MSRB3: variants seen among roughly 807,000 people sequenced by gnomAD.
The protein encoded by MSRB3 is methionine-R-sulfoxide reductase B3.
Under a neutral mutation model 21.0 loss-of-function variants are expected in MSRB3, and 13 were observed. The observed-to-expected ratio is 0.62, with a 90% CI of 0.40 to 0.98. The LOEUF (loss-of-function observed/expected upper bound fraction) is 0.98. Among genes scored for constraint, MSRB3 ranks in the 50% least tolerant of loss-of-function variants. The pLI is 0.00. For missense variants in MSRB3, 199 were observed against 230.3 expected, an observed-to-expected ratio of 0.86 and a Z score of 0.88; for synonymous variants, 87 against 88.6, an observed-to-expected ratio of 0.98 and a Z score of 0.10.
chr12:65,446,122 A>G (rs1024405482), intron 5 of MSRB3, among the ~76,000 whole-genome samples: 1 of 152,220 alleles, frequency 6.6e-6, no homozygotes, highest in Non-Finnish European at 1.5e-5. Context: ...AAATCATGTC[A>G]TCAGCATATG....
intron 5 of MSRB3, among the ~76,000 whole-genome samples, chr12:65,428,313 T>A (rs188131390): frequency 3.2e-4 from 48 of 151,014 alleles, no homozygotes; most frequent in Middle Eastern, 3.5e-3. Flanking sequence ...GTGTGTATAT[T>A]TTTTTTTTGC....
intron 4 of MSRB3, among the ~76,000 whole-genome samples, chr12:65,360,842 G>C (rs1179178928): frequency 2.6e-5 from 4 of 152,102 alleles, no homozygotes. Context: ...TTTAGTGGGA[G>C]AATGTTTTAT....
intron 5 of MSRB3, among the ~76,000 whole-genome samples, chr12:65,396,202 A>G (rs1879769590): frequency 1.3e-5 from 2 of 152,220 alleles, no homozygotes; most frequent in Admixed American, 6.5e-5. Context: ...TTGTATTTTC[A>G]TTCTCATTTA....
At chr12:65,377,201 T>C (rs779467905) in intron 5 of MSRB3, among the ~76,000 whole-genome samples, 6 of 152,228 alleles carry the variant, frequency 3.9e-5, no homozygotes, top group Non-Finnish European at 7.3e-5. Flanking sequence ...TAGTTATTTG[T>C]GTGGATCTTT....
At chr12:65,398,978 G>T (rs1015504439) in intron 5 of MSRB3, among the ~76,000 whole-genome samples, 1 of 152,034 alleles carries the variant, frequency 6.6e-6, no homozygotes, top group African/African-American at 2.4e-5. Context: ...ATCAATTTTG[G>T]TACCAGTACC....
chr12:65,361,688 G>A (rs1238514903), intron 4 of MSRB3, among the ~76,000 whole-genome samples: 1 of 152,032 alleles, frequency 6.6e-6, no homozygotes, highest in Non-Finnish European at 1.5e-5. Context: ...AGACTTTGGC[G>A]TGATTTAATT....
chr12:65,402,377 A>G (rs190056057), intron 5 of MSRB3, among the ~76,000 whole-genome samples: 3 of 152,036 alleles, frequency 2.0e-5, no homozygotes, highest in Non-Finnish European at 4.4e-5. Context: ...TCAGTCACTG[A>G]TATCTTTTCT....
intron 5 of MSRB3, chr12:65,419,019 G>A (rs1247685260): frequency 5.6e-6 from 4 of 712,220 alleles, no homozygotes; most frequent in African/African-American, 1.7e-5. Context: ...CCATCTGCAG[G>A]GTGTACCAGG....
intron 5 of MSRB3, among the ~76,000 whole-genome samples, chr12:65,382,654 A>G (rs1878999665): frequency 6.6e-6 from 1 of 151,866 alleles, no homozygotes; most frequent in South Asian, 2.1e-4. Context: ...CCCTTGAAAT[A>G]TTGTGATGAT....
chr12:65,444,229 C>T (rs1253252376), intron 5 of MSRB3, among the ~76,000 whole-genome samples: 1 of 152,084 alleles, frequency 6.6e-6, no homozygotes, highest in African/African-American at 2.4e-5. Flanking sequence ...AAAGCTCCAG[C>T]CATATTGATT....
chr12:65,313,594 T>C (rs933505521), intron 2 of MSRB3, among the ~76,000 whole-genome samples: 1 of 152,220 alleles, frequency 6.6e-6, no homozygotes, highest in East Asian at 1.9e-4. Context: ...ATTCAGGACC[T>C]CTGTTCTAAA....
chr12:65,348,309 C>T (rs59687540), intron 4 of MSRB3, among the ~76,000 whole-genome samples: 6,361 of 152,148 alleles, frequency 0.042, 437 homozygotes, highest in African/African-American at 0.15. Context: ...CTGGTTTAGT[C>T]TTGGGAGGGT....
chr12:65,319,248 T>C (rs1406154709), intron 2 of MSRB3, among the ~76,000 whole-genome samples: 1 of 152,168 alleles, frequency 6.6e-6, no homozygotes, highest in African/African-American at 2.4e-5. Context: ...TGGTTTCTTT[T>C]TTGGTTTGTT....
intron 5 of MSRB3, among the ~76,000 whole-genome samples, chr12:65,422,961 C>CTTTTTTTTTT (rs141803317): frequency 8.0e-6 from 1 of 124,338 alleles, no homozygotes. Flanking sequence ...TTAGGGTTTT[C>CTTTTTTTTTT]TTTTTTTTTT....
chr12:65,448,640 G>A (rs1882724923), intron 5 of MSRB3, among the ~76,000 whole-genome samples: 1 of 152,134 alleles, frequency 6.6e-6, no homozygotes, highest in South Asian at 2.1e-4. Context: ...ACTTGTAACT[G>A]CTGAGAACTT....
rs751645011 is a variant in MSRB3 at position 65,308,594 on chromosome 12, C to A, written c.15C>A (p.Asn5Lys). 2.4e-5 allele frequency: 39 copies of A among 1,613,832 alleles called. No homozygotes were observed. The highest frequency in any genetic ancestry group is 3.2e-5 in the Non-Finnish European group (38 of 1,179,882). Residue 5 changes from asparagine to lysine, a missense_variant, in exon 2 of 7, where the codon AAC becomes AAA. Asn to Lys is a moderately conservative substitution (Grantham distance 94, BLOSUM62 0). Transcript: ENST00000308259. ...ATATCACAGTGATGTCTGCATTCAA[C>A]CTGCTGCATTTGGTGACAAAGAGCC... MSAF[N>K]LLHLVTKSQP...
intron 5 of MSRB3, among the ~76,000 whole-genome samples, chr12:65,388,048 A>G (rs529630587): frequency 6.6e-6 from 1 of 152,298 alleles, no homozygotes; most frequent in African/African-American, 2.4e-5. Flanking sequence ...AGAAACTAAT[A>G]ATTTGTAATC....
intron 5 of MSRB3, among the ~76,000 whole-genome samples, chr12:65,405,774 C>T (rs1310814243): frequency 1.3e-5 from 2 of 152,020 alleles, no homozygotes; most frequent in Non-Finnish European, 2.9e-5. Context: ...AATAGCCATC[C>T]TAGCAGGTAT....
At chr12:65,320,579 G>C (rs1194354629) in intron 2 of MSRB3, among the ~76,000 whole-genome samples, 2 of 152,124 alleles carry the variant, frequency 1.3e-5, no homozygotes, top group Non-Finnish European at 2.9e-5. Context: ...ACTCCAAGTT[G>C]AGAATGATGA....
Sources: allele counts gnomAD v4.1 joint callset (sites outside exome capture counted in the v4.1 genomes callset), GRCh38; gene constraint gnomAD v4.1.1; transcripts MANE v1.5; gene names NCBI Gene and HGNC (gene_info 2026-07-23, HGNC 2026-07-21).